Variants in CUX1 observed in about 807,000 individuals in gnomAD.
CUX1 encodes the protein protein CASP.
Under a neutral mutation model 158.8 loss-of-function variants are expected in CUX1, and 31 were observed. The ratio of observed to expected loss-of-function variants is 0.20; its 90% CI spans 0.15 to 0.26. The LOEUF (loss-of-function observed/expected upper bound fraction) is 0.26. Ranked by LOEUF, CUX1 falls within the 10% of genes least tolerant of loss-of-function variation. The probability of loss-of-function intolerance (pLI) is 1.00; values close to 1 mark genes in which losing one functional copy is unlikely to be tolerated. For synonymous variants in CUX1, 879 were observed against 862.1 expected, an observed-to-expected ratio of 1.02 and a Z score of -0.34; for missense variants, 1,589 against 2,014.6, an observed-to-expected ratio of 0.79 and a Z score of 4.04.
At chr7:101,982,722 C>CTT (rs911335466) in intron 2 of CUX1, among the ~76,000 whole-genome samples, 20 of 145,790 alleles carry the variant, frequency 1.4e-4, no homozygotes, top group African/African-American at 3.3e-4. Context: ...CCAACAGGGA[C>CTT]TTTTTTTTTT....
chr7:102,072,817 T>C (rs889146354), intron 4 of CUX1, among the ~76,000 whole-genome samples: 14 of 152,192 alleles, frequency 9.2e-5, no homozygotes, highest in African/African-American at 2.9e-4. Context: ...AGGTAGTGAC[T>C]GAGAATTTTC....
Position 102,194,892 on chromosome 7 carries a change from C to T in CUX1, c.1126-615C>T, listed in dbSNP as rs190134712. ...ATAAAAAATTAGCTGAGCGTGGTGG[C>T]GCACGTCTGTAATCCCAGCTACTTG... On this transcript the variant is annotated intron_variant, in intron 13 of 23. Coordinates refer to ENST00000292535, the MANE Select transcript of CUX1 (RefSeq NM_181552.4). Among the ~76,000 whole-genome samples the T allele has an allele frequency of 7.5e-4, 114 of 151,978 alleles. No individual in the cohort carries two copies. The Middle Eastern group carries it at 0.014, about 18-fold the overall frequency.
At chr7:102,262,137 G>A, downstream of CUX1, among the ~76,000 whole-genome samples, 1 of 152,072 alleles carries the variant, frequency 6.6e-6, no homozygotes, top group Non-Finnish European at 1.5e-5. Context: ...GAGGTAGGTG[G>A]CTCATGCCTG....
At chr7:102,049,781 C>T (rs545676295) in intron 3 of CUX1, among the ~76,000 whole-genome samples, 5 of 152,228 alleles carry the variant, frequency 3.3e-5, no homozygotes, top group East Asian at 1.9e-4. Flanking sequence ...GAGGAATGAC[C>T]GCAGGCCTGC....
intron 11 of CUX1, among the ~76,000 whole-genome samples, chr7:102,181,111 T>C (rs1793042191): frequency 6.6e-6 from 1 of 151,828 alleles, no homozygotes; most frequent in Non-Finnish European, 1.5e-5. Flanking sequence ...CCGGATAATT[T>C]TGTATTTTTA....
intron 14 of CUX1, among the ~76,000 whole-genome samples, chr7:102,264,004 CTTTTTT>C (rs60225596): frequency 2.0e-5 from 2 of 100,952 alleles, no homozygotes; most frequent in Non-Finnish European, 3.9e-5. Context: ...AAGTTAACTT[CTTTTTT>C]TTTTTTTTTT....
chr7:102,040,117 ACTAGGATC>A (rs1323764142), intron 3 of CUX1, among the ~76,000 whole-genome samples: 1 of 152,182 alleles, frequency 6.6e-6, no homozygotes, highest in Non-Finnish European at 1.5e-5. Context: ...AATACAGTCA[ACTAGGATC>A]CTGCTATTCT....
intron 10 of CUX1, among the ~76,000 whole-genome samples, chr7:102,172,393 C>G (rs1390471875): frequency 2.0e-5 from 3 of 151,492 alleles, no homozygotes; most frequent in Non-Finnish European, 4.4e-5. Context: ...CTCGGTCACC[C>G]AGGCTGGAAT....
intron 2 of CUX1, among the ~76,000 whole-genome samples, chr7:102,023,563 C>T (rs945679197): frequency 5.3e-5 from 8 of 152,166 alleles, no homozygotes; most frequent in African/African-American, 1.2e-4. Flanking sequence ...CTCAACCACC[C>T]GGGTTGAGGT....
At chr7:101,853,587 GTGTGTGTGTGTGTGTGT>G (rs1796501092) in intron 1 of CUX1, among the ~76,000 whole-genome samples, 1 of 69,710 alleles carries the variant, frequency 1.4e-5, no homozygotes, top group African/African-American at 4.1e-5. Flanking sequence ...TAGAAAGGGT[GTGTGTGTGTGTGTGTGT>G]GTGTGTGTGT....
rs371888535 is a variant in CUX1 at position 102,239,316 on chromosome 7, G to C, written c.3623-4G>C. 34 of 1,596,476 alleles carry C rather than the reference G, an allele frequency of 2.1e-5. No individual in the cohort carries two copies. The highest frequency in any genetic ancestry group is 2.7e-5 in the Non-Finnish European group (32 of 1,167,822). On this transcript the variant is annotated splice_polypyrimidine_tract_variant and splice_region_variant and intron_variant, in intron 22 of 23. Transcript: ENST00000292535. ...ACCTTAGTCTGCCATCTCTTCCTCCGCAGCCTACATGAAGCGGCGGCACAG... is the reference window on the plus strand; with the variant it reads ...ACCTTAGTCTGCCATCTCTTCCTCCCCAGCCTACATGAAGCGGCGGCACAG...
At chr7:102,073,175 T>TTTTTTTTTTTTA (rs1826338470) in intron 4 of CUX1, among the ~76,000 whole-genome samples, 1 of 123,232 alleles carries the variant, frequency 8.1e-6, no homozygotes, top group Non-Finnish European at 1.7e-5. Context: ...CTTTTTTTTT[T>TTTTTTTTTTTTA]TTTTTTTTTT....
At chr7:102,025,055 G>A (rs991551602) in intron 2 of CUX1, among the ~76,000 whole-genome samples, 2 of 152,150 alleles carry the variant, frequency 1.3e-5, no homozygotes, top group South Asian at 4.1e-4. Flanking sequence ...CTCTCGCGCT[G>A]CCGGCATTCC....
Position 102,195,427 on chromosome 7 carries a change from G to C in CUX1, c.1126-80G>C, listed in dbSNP as rs1794692730. Reference sequence around the variant, plus strand: ...GTGGGAACGCGGACAGATGGAGGGAGGCAGGGCTCCAGGCCTGGTGGCCCC... The same window carrying C: ...GTGGGAACGCGGACAGATGGAGGGACGCAGGGCTCCAGGCCTGGTGGCCCC... On this transcript the variant is annotated intron_variant, in intron 13 of 23. Coordinates refer to ENST00000292535, the MANE Select transcript of CUX1 (RefSeq NM_181552.4). The C allele has an allele frequency of 7.0e-6, 8 of 1,139,566 alleles. No individual in the cohort carries two copies. The South Asian group carries it at 1.1e-4, about 16-fold the overall frequency. 70.6% of individuals were successfully genotyped at this position (1,139,566 alleles called of 1,614,324 possible).
intron 21 of CUX1, among the ~76,000 whole-genome samples, chr7:102,227,989 C>T (rs1798531690): frequency 7.9e-6 from 1 of 126,634 alleles, no homozygotes; most frequent in African/African-American, 3.0e-5. Context: ...CTTGCTCTGT[C>T]ACCCAGGCTG....
chr7:101,911,601 T>C (rs1803477644), intron 1 of CUX1, among the ~76,000 whole-genome samples: 2 of 152,098 alleles, frequency 1.3e-5, no homozygotes, highest in South Asian at 2.1e-4. Context: ...GGCCCGCCAG[T>C]GGATGACCTG....
At chr7:101,849,597 T>G (rs1796061501) in intron 1 of CUX1, among the ~76,000 whole-genome samples, 1 of 152,212 alleles carries the variant, frequency 6.6e-6, no homozygotes, top group Admixed American at 6.6e-5. Flanking sequence ...GCATTTACAT[T>G]GATTCTATGT....
At chr7:102,054,826 C>G (rs1390798479) in intron 3 of CUX1, among the ~76,000 whole-genome samples, 2 of 152,178 alleles carry the variant, frequency 1.3e-5, no homozygotes, top group Non-Finnish European at 2.9e-5. Context: ...TAAAGATTAG[C>G]CAAGCATGGT....
chr7:101,816,423 G>GCGC (rs1218999238), upstream of CUX1, among the ~76,000 whole-genome samples: 3 of 139,758 alleles, frequency 2.1e-5, no homozygotes, highest in Admixed American at 1.4e-4. Context: ...GCCGCCGCCA[G>GCGC]CGCCGCCGCC....
Sources: gnomAD v4.1 joint callset for allele counts (sites outside exome capture counted in the v4.1 genomes callset) on GRCh38, gnomAD v4.1.1 for gene constraint, MANE v1.5 for transcripts, NCBI Gene and HGNC (gene_info 2026-07-23, HGNC 2026-07-21) for gene names.